PABPC1L: variants seen among roughly 807,000 people sequenced by gnomAD.
The protein encoded by PABPC1L is poly(A) binding protein cytoplasmic 1 like.
In PABPC1L, 31 loss-of-function variants were observed where a neutral mutation model predicts 66.6. That is an observed-to-expected ratio of 0.47 (90% CI 0.35 to 0.63). The LOEUF (loss-of-function observed/expected upper bound fraction) is 0.63. Among genes scored for constraint, PABPC1L ranks in the 20% least tolerant of loss-of-function variants. PABPC1L has a pLI of 0.00. For synonymous variants in PABPC1L, 348 were observed against 335.1 expected, an observed-to-expected ratio of 1.04 and a Z score of -0.42; for missense variants, 722 against 848.8, an observed-to-expected ratio of 0.85 and a Z score of 1.86.
At chr20:44,923,190 TA>T (rs1461553598) in intron 6 of PABPC1L, among the ~76,000 whole-genome samples, 1 of 152,222 alleles carries the variant, frequency 6.6e-6, no homozygotes, top group Non-Finnish European at 1.5e-5. Context: ...ACTCTGAAGT[TA>T]GTCTGCCTGG....
At chr20:44,917,335 T>C (rs1339295590) in intron 3 of PABPC1L, among the ~76,000 whole-genome samples, 1 of 151,086 alleles carries the variant, frequency 6.6e-6, no homozygotes, top group Non-Finnish European at 1.5e-5. Flanking sequence ...GGTGACCACA[T>C]GCCACCATAC....
Position 44,938,662 on chromosome 20 carries a change from C to T in PABPC1L, c.1792-12C>T, listed in dbSNP as rs763924215. 1.2e-6 allele frequency: 2 copies of T among 1,604,314 alleles called. No individual in the cohort carries two copies. The highest frequency in any genetic ancestry group is 4.5e-5 in the East Asian group (2 of 44,580). Reference sequence around the variant, plus strand: ...AGCTGCACTAAGCCCCCCCGCCACTCATGTCTCACAGATAGACGAGGCAGT... The same window carrying T: ...AGCTGCACTAAGCCCCCCCGCCACTTATGTCTCACAGATAGACGAGGCAGT... On this transcript the variant is annotated splice_polypyrimidine_tract_variant and intron_variant, in intron 13 of 14. Coordinates refer to ENST00000217073, the MANE Select transcript of PABPC1L (RefSeq NM_001372179.1).
intron 7 of PABPC1L, among the ~76,000 whole-genome samples, chr20:44,929,376 A>C (rs1322861371): frequency 2.0e-5 from 3 of 152,198 alleles, no homozygotes; most frequent in African/African-American, 7.2e-5. Flanking sequence ...TGAAGTCTGG[A>C]GTTCAGTTAA....
chr20:44,921,705 A>C lies in PABPC1L; in HGVS notation c.850A>C (p.Lys284Gln), dbSNP rs1360445477. 6.2e-7 allele frequency: 1 copy of C among 1,613,718 alleles called. No homozygotes were observed. Among genetic ancestry groups the C allele is most frequent in the African/African-American group, 1.3e-5 (1 of 75,048 alleles). ...NELKRRFEQMKQDRLRRYQGV... is the reference protein window; with the variant it reads ...NELKRRFEQMQQDRLRRYQGV... ...ACTGAAGCGCAGGTTTGAGCAGATG[A>C]AGCAGGACCGGCTGAGGCGTTACCA... is the stretch of plus-strand genomic sequence containing the variant. The change falls in exon 6 of 15, where the codon AAG (lysine) becomes CAG (glutamine). Residue 284 changes from lysine (K) to glutamine (Q), a missense_variant. Around this residue, in one of 3 missense-constraint regions of PABPC1L, gnomAD observed 137 missense variants for 216.8 expected, o/e 0.63. Transcript: ENST00000217073.
chr20:44,920,456 CATTTT>C (rs1307313390), intron 5 of PABPC1L, among the ~76,000 whole-genome samples: 1 of 151,936 alleles, frequency 6.6e-6, no homozygotes, highest in Non-Finnish European at 1.5e-5. Context: ...TAAATATTTA[CATTTT>C]ATTTTATTTT....
chr20:44,938,005 G>A, intron 12 of PABPC1L, 56 bp from the exon 13 acceptor site: 3 of 1,609,944 alleles, frequency 1.9e-6, no homozygotes, highest in Non-Finnish European at 1.7e-6. Context: ...ACGAGCCCTG[G>A]GATGCTGGGG....
intron 10 of PABPC1L, among the ~76,000 whole-genome samples, chr20:44,934,447 G>A (rs1051944471): frequency 3.9e-5 from 6 of 152,208 alleles, no homozygotes; most frequent in African/African-American, 1.4e-4. Context: ...TCAGCTTGTA[G>A]AGCCGAAATT....
At position 44,912,829 on chromosome 20, in the gene PABPC1L, C is replaced by T. The variant is rs1383134600; in HGVS notation, c.363C>T (p.Thr121=). 4.3e-6 allele frequency: 7 copies of T among 1,614,002 alleles called. No homozygotes were observed. The Middle Eastern group carries it at 9.9e-4, about 228-fold the overall frequency. The change falls in exon 2 of 15, where the codon ACC becomes ACT. Residue 121 remains threonine (T), a synonymous_variant. Coordinates refer to ENST00000217073, the MANE Select transcript of PABPC1L (RefSeq NM_001372179.1). ...DNKALYDTFS[T]FGNILSCKVA... Reference sequence around the variant, plus strand: ...AGGCTTTATATGATACCTTCTCCACCTTTGGGAACATCCTCTCTTGCAAGG... The same window carrying T: ...AGGCTTTATATGATACCTTCTCCACTTTTGGGAACATCCTCTCTTGCAAGG...
At chr20:44,916,658 C>A in intron 2 of PABPC1L, 98 bp from the exon 3 acceptor site, 2 of 1,132,506 alleles carry the variant, frequency 1.8e-6, no homozygotes, top group Non-Finnish European at 2.7e-6. Context: ...TTTCCAGGCA[C>A]AGCAGGCATG....
At chr20:44,936,345 G>A (rs1278431791) in intron 11 of PABPC1L, among the ~76,000 whole-genome samples, 2 of 152,154 alleles carry the variant, frequency 1.3e-5, no homozygotes, top group Non-Finnish European at 2.9e-5. Context: ...GATAAAAAGT[G>A]CTTTATTTGG....
intron 7 of PABPC1L, among the ~76,000 whole-genome samples, chr20:44,924,942 T>C (rs1461884275): frequency 1.4e-5 from 2 of 144,794 alleles, no homozygotes; most frequent in Non-Finnish European, 2.9e-5. Flanking sequence ...GGCTGGGCAA[T>C]ATGGCTCACG....
At chr20:44,913,408 A>C (rs1601106070) in intron 2 of PABPC1L, among the ~76,000 whole-genome samples, 2 of 149,216 alleles carry the variant, frequency 1.3e-5, no homozygotes, top group Non-Finnish European at 3.0e-5. Flanking sequence ...CATCACTTCC[A>C]CTACGTTTTT....
At chr20:44,913,466 C>T (rs897171021) in intron 2 of PABPC1L, among the ~76,000 whole-genome samples, 4 of 151,760 alleles carry the variant, frequency 2.6e-5, no homozygotes, top group African/African-American at 7.3e-5. Context: ...GGCTGGAGTA[C>T]AGTGGCATGA....
chr20:44,919,259 G>T lies in PABPC1L; in HGVS notation c.720G>T (p.Lys240Asn), dbSNP rs762194768. 2 of 1,614,082 alleles carry T rather than the reference G, an allele frequency of 1.2e-6. No homozygotes were observed. The highest frequency in any genetic ancestry group is 1.7e-6 in the Non-Finnish European group (2 of 1,180,036). ...SRCFGFVNFE[K>N]HEEAQKAVVH... ...GCTTTGGCTTTGTCAACTTTGAGAA[G>T]CATGAGGAAGCCCAGAAGGTAGGAG... Residue 240 changes from lysine to asparagine, a missense_variant, in exon 5 of 15, where the codon AAG becomes AAT. By Grantham distance (94) the Lys-to-Asn change is moderately conservative. Around this residue, in one of 3 missense-constraint regions of PABPC1L, gnomAD observed 137 missense variants for 216.8 expected, o/e 0.63. Coordinates refer to ENST00000217073, the MANE Select transcript of PABPC1L (RefSeq NM_001372179.1).
At chr20:44,936,518 C>A in intron 11 of PABPC1L, 119 bp from the exon 12 acceptor site, 1 of 770,402 alleles carries the variant, frequency 1.3e-6, no homozygotes, top group Non-Finnish European at 2.1e-6. Flanking sequence ...TCATCCAGAC[C>A]TTGCCCTCTG....
chr20:44,916,115 C>T (rs370477010), intron 2 of PABPC1L, among the ~76,000 whole-genome samples: 9 of 152,070 alleles, frequency 5.9e-5, no homozygotes, highest in Admixed American at 2.0e-4. Context: ...ATGAATACCC[C>T]GGTTGTTTCT....
Position 44,910,099 on chromosome 20 carries a change from T to G in PABPC1L, c.-45T>G. The G allele has an allele frequency of 6.7e-7, 1 of 1,493,864 alleles. No individual in the cohort carries two copies. The allele number at this position is 1,493,864 out of a possible 1,614,324, so 92.5% of individuals were successfully genotyped here. A position where few individuals can be genotyped will look rare whatever the true frequency, so the allele number is the denominator to read the frequency against. Reference sequence around the variant, plus strand: ...CCCGGGTGAGCGCGGGGCTGCTGGGTGACCCGGCTCCTGCTTGCCCCGCAG... The same window carrying G: ...CCCGGGTGAGCGCGGGGCTGCTGGGGGACCCGGCTCCTGCTTGCCCCGCAG... On this transcript the variant is annotated 5_prime_UTR_variant, in exon 1 of 15. Transcript: ENST00000217073.
In PABPC1L at chr20:44,910,203, C is replaced by A. The variant is rs778614282; in HGVS notation, c.60C>A (p.Pro20=). The A allele has an allele frequency of 5.7e-6, 9 of 1,580,314 alleles. No individual in the cohort carries two copies. Among genetic ancestry groups the A allele is most frequent in the South Asian group, 1.2e-5 (1 of 86,554 alleles). ...LASLYVGDLH[P]DVTEAMLYEK... is the part of the protein sequence containing the mutation. ...CGCTTTACGTGGGCGATCTGCACCC[C>A]GACGTGACCGAGGCCATGCTCTATG... Residue 20 remains proline, a synonymous_variant, in exon 1 of 15, where the codon CCC becomes CCA. Transcript: ENST00000217073.
chr20:44,930,997 T>TTTCCTTCCTTCCTTCC (rs144338158), intron 8 of PABPC1L, among the ~76,000 whole-genome samples: 31,442 of 82,942 alleles, frequency 0.38, 7,835 homozygotes, highest in Admixed American at 0.44. Context: ...GACCTACATT[T>TTTCCTTCCTTCCTTCC]TTCCTTCCTC....
Sources: gnomAD v4.1 joint callset for allele counts (sites outside exome capture counted in the v4.1 genomes callset) on GRCh38, gnomAD v4.1.1 for gene constraint, gnomAD v4.1.1 regional missense constraint, MANE v1.5 for transcripts, NCBI Gene and HGNC (gene_info 2026-07-23, HGNC 2026-07-21) for gene names.